Variants in DISP1 observed in about 807,000 individuals in gnomAD.
DISP1 encodes the protein protein dispatched homolog 1.
A neutral mutation model predicts 37.3 loss-of-function variants in DISP1; 30 were observed. The observed-to-expected ratio is 0.80, with a 90% CI of 0.60 to 1.09. The LOEUF is 1.09. DISP1 is among the 50% of genes least tolerant of loss of function. DISP1 has a pLI of 0.00. For missense variants in DISP1, 1,598 were observed against 1,879.5 expected, an observed-to-expected ratio of 0.85 and a Z score of 2.77; for synonymous variants, 634 against 690.2, an observed-to-expected ratio of 0.92 and a Z score of 1.28.
At chr1:222,888,632 A>G (rs1670775000) in intron 1 of DISP1, among the ~76,000 whole-genome samples, 1 of 152,184 alleles carries the variant, frequency 6.6e-6, no homozygotes, top group African/African-American at 2.4e-5. Flanking sequence ...ATTCTGTTGT[A>G]CATTGAAGAT....
chr1:222,833,022 C>T (rs1003412577), intron 1 of DISP1, among the ~76,000 whole-genome samples: 1 of 152,010 alleles, frequency 6.6e-6, no homozygotes, highest in Non-Finnish European at 1.5e-5. Flanking sequence ...TAATCTTGTA[C>T]CCATCTCTTC....
intron 3 of DISP1, among the ~76,000 whole-genome samples, chr1:222,975,820 T>G (rs1334982681): frequency 6.6e-6 from 1 of 152,250 alleles, no homozygotes; most frequent in African/African-American, 2.4e-5. Context: ...AGTTTGTACA[T>G]GCTTTGCTTT....
chr1:222,876,814 T>C (rs757227643), intron 1 of DISP1, among the ~76,000 whole-genome samples: 2 of 151,860 alleles, frequency 1.3e-5, no homozygotes, highest in Non-Finnish European at 2.9e-5. Context: ...AGAAAGGGAG[T>C]AGGATTCCAG....
rs765903966 is a variant in DISP1, at chr1:223,004,893, G to A, written c.3496G>A (p.Gly1166Arg). The A allele has an allele frequency of 3.1e-6, 5 of 1,609,340 alleles. No homozygotes were observed. Among genetic ancestry groups the A allele is most frequent in the Middle Eastern group, 1.6e-4 (1 of 6,062 alleles). Reference sequence around the variant, plus strand: ...CTTGTCTACAAGTCCCAGTGACAAGGGACAAAGCAAAACACATACCATAAA... The same window carrying A: ...CTTGTCTACAAGTCCCAGTGACAAGAGACAAAGCAAAACACATACCATAAA... ...HALSTSPSDK[G>R]QSKTHTINAY... Residue 1166 changes from glycine (G) to arginine (R), a missense_variant, in exon 9 of 9, where the codon GGA (glycine) becomes AGA (arginine). Coordinates refer to ENST00000675850, the MANE Select transcript of DISP1 (RefSeq NM_001377229.1). The surrounding 1 kb of genome is among the most constrained non-coding windows in gnomAD (Gnocchi z 4.9).
intron 7 of DISP1, among the ~76,000 whole-genome samples, chr1:222,993,541 G>C (rs576341061): frequency 1.6e-4 from 24 of 152,162 alleles, no homozygotes; most frequent in Admixed American, 9.8e-4. Flanking sequence ...TCTTTATTTT[G>C]ATCACTTACT....
intron 1 of DISP1, among the ~76,000 whole-genome samples, chr1:222,881,438 C>T (rs1292224404): frequency 6.6e-6 from 1 of 152,198 alleles, no homozygotes; most frequent in African/African-American, 2.4e-5. Flanking sequence ...TCAGGTGATC[C>T]ACCCGCTTCG....
chr1:222,832,923 AAGTT>A (rs1356703171), intron 1 of DISP1, among the ~76,000 whole-genome samples: 2 of 152,098 alleles, frequency 1.3e-5, no homozygotes, highest in Admixed American at 6.5e-5. Context: ...AAATAAATGT[AAGTT>A]AAATTAGATT....
intron 1 of DISP1, among the ~76,000 whole-genome samples, chr1:222,922,902 A>G (rs1480626917): frequency 1.3e-5 from 2 of 152,212 alleles, no homozygotes; most frequent in Admixed American, 6.5e-5. Flanking sequence ...AAGAGAAAAG[A>G]GTATTTACCA....
At chr1:222,923,266 T>A (rs191505206) in intron 1 of DISP1, among the ~76,000 whole-genome samples, 5 of 152,334 alleles carry the variant, frequency 3.3e-5, no homozygotes, top group African/African-American at 4.8e-5. Context: ...CCAGTAAGAC[T>A]GTCTGTAGTG....
chr1:222,895,210 C>G (rs942390464), intron 1 of DISP1, among the ~76,000 whole-genome samples: 1 of 152,162 alleles, frequency 6.6e-6, no homozygotes, highest in Non-Finnish European at 1.5e-5. Context: ...GAACAGCTGA[C>G]CAGGGATGAG....
intron 1 of DISP1, among the ~76,000 whole-genome samples, chr1:222,869,388 G>A (rs1262184103): frequency 6.6e-6 from 1 of 152,120 alleles, no homozygotes. Flanking sequence ...AACAATTTGA[G>A]TGTATTTGGA....
intron 3 of DISP1, among the ~76,000 whole-genome samples, chr1:222,969,739 A>G (rs1163251881): frequency 6.6e-6 from 1 of 152,030 alleles, no homozygotes; most frequent in Admixed American, 6.6e-5. Flanking sequence ...TATTTAGGCA[A>G]AAAGGAAAAA....
chr1:222,955,492 C>T (rs545866826), intron 3 of DISP1, among the ~76,000 whole-genome samples: 6 of 152,294 alleles, frequency 3.9e-5, no homozygotes, highest in East Asian at 3.9e-4. Context: ...ATTGTACTTC[C>T]GACTTTGAAT....
At chr1:222,958,368 C>A (rs185744890) in intron 3 of DISP1, among the ~76,000 whole-genome samples, 2 of 152,116 alleles carry the variant, frequency 1.3e-5, no homozygotes, top group Non-Finnish European at 2.9e-5. Context: ...AAGTAAAAGA[C>A]AGCAAAGAAA....
intron 1 of DISP1, among the ~76,000 whole-genome samples, chr1:222,891,126 C>T (rs898242498): frequency 2.0e-5 from 3 of 152,032 alleles, no homozygotes; most frequent in African/African-American, 7.2e-5. Context: ...GATGACTTTT[C>T]AGGAAGAGAG....
chr1:222,975,045 T>G lies in DISP1; in HGVS notation c.510-8035T>G, dbSNP rs139405583. ...TTACAGCACTTTTTTGCTTAAAAATTTGGTTACTACCATAAAGCTGAAAGT... is the reference window on the plus strand; with the variant it reads ...TTACAGCACTTTTTTGCTTAAAAATGTGGTTACTACCATAAAGCTGAAAGT... On this transcript the variant is annotated intron_variant, in intron 3 of 8. Transcript: ENST00000675850. Among the ~76,000 whole-genome samples the G allele has an allele frequency of 5.0e-3, 756 of 152,298 alleles. 3 individuals carry two copies. Among genetic ancestry groups the G allele is most frequent in the Middle Eastern group, 0.014 (4 of 294 alleles).
rs553437458 is a variant in DISP1, at chr1:222,870,238, C to T, written c.-159+55160C>T. Among the ~76,000 whole-genome samples the T allele has an allele frequency of 7.1e-3, 1,085 of 151,990 alleles. 15 individuals are homozygous for T. The highest frequency in any genetic ancestry group is 0.023 in the African/African-American group (955 of 41,470). On this transcript the variant is annotated intron_variant, in intron 1 of 8. Coordinates refer to ENST00000675850, the MANE Select transcript of DISP1 (RefSeq NM_001377229.1). ...AAGTCTTTGCTATTGTGAATAGTGC[C>T]GCAATAAACATACGTGTGCATGTGT...
In DISP1 at chr1:222,984,457, G is replaced by GAGAA. The variant is rs1384880054; in HGVS notation, c.539+1350_539+1351insAAAG. On this transcript the variant is annotated intron_variant, in intron 4 of 8. Coordinates refer to ENST00000675850, the MANE Select transcript of DISP1 (RefSeq NM_001377229.1). ...ATATAGAGAGAGAGAGAGAGAGAGA[G>GAGAA]AGCGTACTCATATATGTTATATATA... is the stretch of plus-strand genomic sequence containing the variant. 2.2e-5 allele frequency among the ~76,000 whole-genome samples: 3 copies of GAGAA among 138,238 alleles called. 1 individual carries two copies. The highest frequency in any genetic ancestry group is 8.5e-5 in the African/African-American group (3 of 35,476). 90.7% of individuals were successfully genotyped at this position (138,238 alleles called of 152,430 possible). A position where few individuals can be genotyped will look rare whatever the true frequency, so the allele number is the denominator to read the frequency against.
intron 3 of DISP1, among the ~76,000 whole-genome samples, chr1:222,948,902 A>G (rs963163638): frequency 6.6e-6 from 1 of 152,192 alleles, no homozygotes; most frequent in African/African-American, 2.4e-5. Flanking sequence ...CTTAAGCCAT[A>G]GAGAATGTTT....
Sources: allele counts gnomAD v4.1 joint callset (sites outside exome capture counted in the v4.1 genomes callset), GRCh38; gene constraint gnomAD v4.1.1; non-coding constraint Gnocchi (gnomAD v3.1); transcripts MANE v1.5; gene names NCBI Gene and HGNC (gene_info 2026-07-23, HGNC 2026-07-21).